CLVS1: variants seen among roughly 807,000 people sequenced by gnomAD.
CLVS1 encodes the protein clavesin 1, also known as clavesin-1.
A neutral mutation model predicts 33.1 loss-of-function variants in CLVS1; 10 were observed. That is an observed-to-expected ratio of 0.30 (90% CI 0.19 to 0.51). The LOEUF is 0.51. CLVS1 is among the 20% of genes least tolerant of loss of function. CLVS1 has a pLI of 0.97. For missense variants in CLVS1, 343 were observed against 433.4 expected (o/e 0.79, Z 1.85); for synonymous variants, 163 against 166.1 (o/e 0.98, Z 0.14).
intron 2 of CLVS1, among the ~76,000 whole-genome samples, chr8:61,250,354 T>A (rs2129591565): frequency 6.6e-6 from 1 of 152,358 alleles, no homozygotes; most frequent in South Asian, 2.1e-4. Flanking sequence ...GGTAGCATGA[T>A]GCCTTCAGCT....
intron 2 of CLVS1, among the ~76,000 whole-genome samples, chr8:61,240,736 A>T (rs1278394142): frequency 2.0e-5 from 3 of 151,572 alleles, no homozygotes; most frequent in South Asian, 2.1e-4. Flanking sequence ...TTTTATTATT[A>T]TTTTTTTCAC....
intron 2 of CLVS1, among the ~76,000 whole-genome samples, chr8:61,355,494 A>G (rs1248821481): frequency 6.6e-6 from 1 of 152,064 alleles, no homozygotes; most frequent in Non-Finnish European, 1.5e-5. Flanking sequence ...TACATGTGCC[A>G]TGCTGGTGTG....
At chr8:61,016,753 G>A in the CLVS1 span, among the ~76,000 whole-genome samples, 2 of 152,178 alleles carry the variant, frequency 1.3e-5, no homozygotes, top group Admixed American at 6.5e-5. Flanking sequence ...GCAGTTTTCC[G>A]AGACTCCCCA....
intron 4 of CLVS1, among the ~76,000 whole-genome samples, chr8:61,455,515 C>G (rs1165298057): frequency 6.6e-6 from 1 of 151,840 alleles, no homozygotes; most frequent in African/African-American, 2.4e-5. Context: ...TAGGTTCATC[C>G]ACATTGTTGA....
intron 2 of CLVS1, among the ~76,000 whole-genome samples, chr8:61,187,821 TTATA>T (rs1807374289): frequency 6.7e-6 from 1 of 149,904 alleles, no homozygotes; most frequent in Non-Finnish European, 1.5e-5. Flanking sequence ...ATATAATTGA[TTATA>T]TATGTATACA....
At chr8:61,274,435 G>A (rs189816069) in intron 2 of CLVS1, among the ~76,000 whole-genome samples, 1 of 151,970 alleles carries the variant, frequency 6.6e-6, no homozygotes, top group Non-Finnish European at 1.5e-5. Context: ...TCTCTACCCT[G>A]GTGAATCACT....
the CLVS1 span, among the ~76,000 whole-genome samples, chr8:60,994,819 A>G: frequency 3.3e-5 from 5 of 152,218 alleles, no homozygotes; most frequent in African/African-American, 1.2e-4. Context: ...ACAGAGATAT[A>G]GATCAATGGA....
chr8:61,397,395 T>A (rs1036430999), intron 3 of CLVS1, among the ~76,000 whole-genome samples: 6 of 152,180 alleles, frequency 3.9e-5, no homozygotes, highest in Admixed American at 1.3e-4. Context: ...TTAATTTTTT[T>A]AATTTTGGAG....
At chr8:61,057,931 G>A (rs999984368) in intron 1 of CLVS1, among the ~76,000 whole-genome samples, 4 of 152,176 alleles carry the variant, frequency 2.6e-5, no homozygotes, top group African/African-American at 4.8e-5. Context: ...GCTTAGACTC[G>A]AAAATGTCTT....
At chr8:61,138,588 G>A (rs1451204553) in intron 2 of CLVS1, among the ~76,000 whole-genome samples, 1 of 151,496 alleles carries the variant, frequency 6.6e-6, no homozygotes, top group East Asian at 1.9e-4. Context: ...GAGACGGGGG[G>A]CAGGGAGGTT....
chr8:61,014,723 A>G, the CLVS1 span, among the ~76,000 whole-genome samples: 1 of 152,262 alleles, frequency 6.6e-6, no homozygotes, highest in African/African-American at 2.4e-5. Context: ...CAAAGGTAGG[A>G]TGATGCACAG....
intron 2 of CLVS1, among the ~76,000 whole-genome samples, chr8:61,144,627 G>A (rs887159269): frequency 3.4e-4 from 52 of 152,066 alleles, no homozygotes; most frequent in Non-Finnish European, 5.1e-4. Flanking sequence ...TTGAGGAATC[G>A]CCACACTGTC....
intron 3 of CLVS1, among the ~76,000 whole-genome samples, chr8:61,437,901 C>G (rs1816395827): frequency 2.0e-5 from 3 of 152,102 alleles, no homozygotes; most frequent in Admixed American, 2.0e-4. Flanking sequence ...TTTAAATAAG[C>G]CAATAGTACA....
chr8:61,473,106 G>A (rs1487665940), intron 5 of CLVS1, among the ~76,000 whole-genome samples: 1 of 152,042 alleles, frequency 6.6e-6, no homozygotes, highest in African/African-American at 2.4e-5. Context: ...AATTCTGGAA[G>A]CACTTTCCTG....
chr8:61,471,132 T>G (rs1185533075), intron 5 of CLVS1, among the ~76,000 whole-genome samples: 3 of 152,186 alleles, frequency 2.0e-5, no homozygotes, highest in Non-Finnish European at 4.4e-5. Flanking sequence ...TCCTATCTGG[T>G]CATTTTCTTA....
At chr8:61,248,482 T>G (rs1808863737) in intron 2 of CLVS1, among the ~76,000 whole-genome samples, 2 of 152,170 alleles carry the variant, frequency 1.3e-5, no homozygotes, top group Non-Finnish European at 2.9e-5. Flanking sequence ...GTTTTATAAT[T>G]CTCATTGTAG....
chr8:61,051,541 G>C, the CLVS1 span, among the ~76,000 whole-genome samples: 2 of 152,204 alleles, frequency 1.3e-5, no homozygotes, highest in African/African-American at 4.8e-5. Flanking sequence ...CCAGTTGTTG[G>C]GGTCCCGCCC....
intron 1 of CLVS1, among the ~76,000 whole-genome samples, chr8:61,296,901 G>A (rs899872044): frequency 2.6e-5 from 4 of 152,260 alleles, no homozygotes; most frequent in South Asian, 2.1e-4. Flanking sequence ...GGCCTTCTCT[G>A]TAAGGTGTTC....
At chr8:61,066,287 G>C (rs1266001938) in intron 1 of CLVS1, among the ~76,000 whole-genome samples, 2 of 152,204 alleles carry the variant, frequency 1.3e-5, no homozygotes, top group Non-Finnish European at 2.9e-5. Context: ...CTTGAGCCCA[G>C]CAGTTTGAGA....
Sources: allele counts gnomAD v4.1 joint callset (sites outside exome capture counted in the v4.1 genomes callset), GRCh38; gene constraint gnomAD v4.1.1; transcripts MANE v1.5; gene names NCBI Gene and HGNC (gene_info 2026-07-23, HGNC 2026-07-21).